The following AMMECR1 variants were observed in gnomAD, a reference collection of about 807,000 sequenced individuals.
AMMECR1 encodes the protein nuclear protein AMMECR1.
In AMMECR1, 3 loss-of-function variants were observed where a neutral mutation model predicts 22.5. The observed-to-expected ratio is 0.13, with a 90% CI of 0.06 to 0.35. The LOEUF is 0.35. Among genes scored for constraint, AMMECR1 ranks in the 10% least tolerant of loss-of-function variants. The pLI is 1.00. For missense variants in AMMECR1, 235 were observed against 278.7 expected, an observed-to-expected ratio of 0.84 and a Z score of 1.12; for synonymous variants, 130 against 116.7, an observed-to-expected ratio of 1.11 and a Z score of -0.74.
chrX:110,343,893 A>T (rs2068176234), intron 2 of AMMECR1, among the ~76,000 whole-genome samples: 1 of 111,817 alleles, frequency 8.9e-6, no homozygotes. Context: ...AGGAAGAATC[A>T]ATATCATGAA....
intron 2 of AMMECR1, among the ~76,000 whole-genome samples, chrX:110,339,475 TA>T (rs2068155168): frequency 9.3e-6 from 1 of 107,758 alleles, no homozygotes; most frequent in African/African-American, 3.3e-5. Flanking sequence ...TTATTTAACT[TA>T]TTTATTTATT....
intron 2 of AMMECR1, among the ~76,000 whole-genome samples, chrX:110,354,765 A>T (rs1169577220): frequency 8.9e-6 from 1 of 112,357 alleles, no homozygotes; most frequent in Non-Finnish European, 1.9e-5. Flanking sequence ...CAGTCTTTTC[A>T]ATAAATGGTG....
At chrX:110,393,662 C>T (rs1289788551) in intron 2 of AMMECR1, among the ~76,000 whole-genome samples, 1 of 112,171 alleles carries the variant, frequency 8.9e-6, no homozygotes, top group Non-Finnish European at 1.9e-5. Context: ...CTGAGAACTG[C>T]TTGGCACAAT....
Position 110,318,001 on chromosome X carries a change from C to T in AMMECR1, c.71G>A (p.Gly24Asp). The change falls in exon 1 of 6, where the codon GGT (glycine) becomes GAT (aspartate). Residue 24 changes from glycine (G) to aspartate (D), a missense_variant. Around this residue, in one of 2 missense-constraint regions of AMMECR1, gnomAD observed 124 missense variants for 97.0 expected, o/e 1.28. Coordinates refer to ENST00000262844, the MANE Select transcript of AMMECR1 (RefSeq NM_015365.3). ...GTGGGAGGAGGAGGAGGCGCCACCA[C>T]CGCCACCCGAGCCAGAGGGGGGCGA... The part of the protein sequence containing the change: ...SSSPPSGSGG[G>D]GGASSSSHCS... 8.3e-7 allele frequency: 1 copy of T among 1,205,566 alleles called. No individual in the cohort carries two copies. Among genetic ancestry groups the T allele is most frequent in the South Asian group, 1.8e-5 (1 of 55,814 alleles).
At chrX:110,245,473 G>C (rs1169774621) in intron 2 of AMMECR1, among the ~76,000 whole-genome samples, 1 of 110,930 alleles carries the variant, frequency 9.0e-6, no homozygotes, top group Non-Finnish European at 1.9e-5. Context: ...ATTTATTGCA[G>C]GGGGAATGAC....
At chrX:110,200,849 T>A in intron 5 of AMMECR1, 105 bp downstream of exon 5, 1 of 546,061 alleles carries the variant, frequency 1.8e-6, no homozygotes. Context: ...CCACTCTGTT[T>A]CAGAAAAAAG....
At chrX:110,208,348 T>C (rs1306191717) in intron 3 of AMMECR1, among the ~76,000 whole-genome samples, 1 of 112,572 alleles carries the variant, frequency 8.9e-6, no homozygotes, top group Non-Finnish European at 1.9e-5. Context: ...GAAGTTTTTC[T>C]TTTTTTCTCA....
At chrX:110,219,677 G>A (rs766621977) in intron 2 of AMMECR1, 447 of 625,009 alleles carry the variant, frequency 7.2e-4, no homozygotes, top group Non-Finnish European at 8.3e-4. Flanking sequence ...ACAATGAATG[G>A]GATAAAATGA....
chrX:110,293,359 A>G (rs920250653), intron 1 of AMMECR1, among the ~76,000 whole-genome samples: 2 of 111,888 alleles, frequency 1.8e-5, no homozygotes, highest in Non-Finnish European at 3.8e-5. Flanking sequence ...TATCCCCACC[A>G]TCTGGTATAT....
At chrX:110,327,078 A>T (rs1204733432) in intron 2 of AMMECR1, among the ~76,000 whole-genome samples, 2 of 112,059 alleles carry the variant, frequency 1.8e-5, no homozygotes, top group Non-Finnish European at 3.8e-5. Flanking sequence ...AGACTTCTTG[A>T]CAATGTAAGT....
intron 2 of AMMECR1, among the ~76,000 whole-genome samples, chrX:110,325,466 T>G (rs1184500791): frequency 1.8e-5 from 2 of 112,196 alleles, no homozygotes; most frequent in Non-Finnish European, 3.8e-5. Context: ...ACTGACTCAA[T>G]CTAGTTATTT....
chrX:110,307,797 C>G (rs984652496), intron 1 of AMMECR1, among the ~76,000 whole-genome samples: 6 of 108,796 alleles, frequency 5.5e-5, no homozygotes, highest in Admixed American at 2.9e-4. Context: ...TAAAAGGACC[C>G]ATAGCAGGTC....
At chrX:110,425,639 G>A (rs1433985154) in intron 2 of AMMECR1, among the ~76,000 whole-genome samples, 4 of 112,618 alleles carry the variant, frequency 3.6e-5, no homozygotes, top group African/African-American at 1.3e-4. Flanking sequence ...CAGGGCCTGT[G>A]CTAAACACTC....
chrX:110,215,940 T>C (rs1330338160), intron 3 of AMMECR1, among the ~76,000 whole-genome samples: 1 of 111,962 alleles, frequency 8.9e-6, no homozygotes, highest in Admixed American at 9.5e-5. Flanking sequence ...ATATGATCAA[T>C]ATAAGCTACT....
At chrX:110,433,300 A>G (rs1349109002) in intron 1 of AMMECR1, among the ~76,000 whole-genome samples, 3 of 112,410 alleles carry the variant, frequency 2.7e-5, no homozygotes, top group African/African-American at 9.7e-5. Flanking sequence ...GATAACTTGA[A>G]TGGGGAAACA....
chrX:110,428,123 G>A (rs901025158), intron 1 of AMMECR1, among the ~76,000 whole-genome samples: 1 of 112,236 alleles, frequency 8.9e-6, no homozygotes, highest in African/African-American at 3.2e-5. Flanking sequence ...CACAGTAGAT[G>A]TTCCATGATT....
At chrX:110,245,332 G>T (rs1324205694) in intron 2 of AMMECR1, among the ~76,000 whole-genome samples, 1 of 112,159 alleles carries the variant, frequency 8.9e-6, no homozygotes, top group East Asian at 2.8e-4. Context: ...ATGTTTTGTT[G>T]AAATTAACAC....
At chrX:110,298,665 A>T (rs922739432) in intron 1 of AMMECR1, among the ~76,000 whole-genome samples, 4 of 111,685 alleles carry the variant, frequency 3.6e-5, no homozygotes, top group African/African-American at 1.3e-4. Flanking sequence ...AAATACTGAT[A>T]GTCAATCACA....
At chrX:110,419,075 C>T (rs746573264) in intron 2 of AMMECR1, 4 of 112,228 alleles carry the variant, frequency 3.6e-5, no homozygotes, top group Non-Finnish European at 7.5e-5. Flanking sequence ...GCCTCAGCCC[C>T]GCCCTACTGA....
Sources: allele counts gnomAD v4.1 joint callset (sites outside exome capture counted in the v4.1 genomes callset), GRCh38; gene constraint gnomAD v4.1.1; regional missense constraint gnomAD v4.1.1; transcripts MANE v1.5; gene names NCBI Gene and HGNC (gene_info 2026-07-23, HGNC 2026-07-21).